Variants in ELAVL3 observed in about 807,000 individuals in gnomAD.
The protein encoded by ELAVL3 is ELAV like RNA binding protein 3.
In ELAVL3, 8 loss-of-function variants were observed where a neutral mutation model predicts 34.2. The ratio of observed to expected loss-of-function variants is 0.23; its 90% confidence interval spans 0.14 to 0.42. The LOEUF (loss-of-function observed/expected upper bound fraction) is 0.42, where lower values mean the gene tolerates loss of function less well. Ranked by LOEUF, ELAVL3 falls within the 10% of genes least tolerant of loss-of-function variation. ELAVL3 has a pLI of 1.00. For missense variants in ELAVL3, 273 were observed against 518.8 expected (o/e 0.53, Z 4.60); for synonymous variants, 209 against 222.1 (o/e 0.94, Z 0.53).
intron 3 of ELAVL3, among the ~76,000 whole-genome samples, chr19:11,464,073 G>GCCTCTCTCTCCCTCCCTCTCTCTC (rs1970948218): frequency 6.8e-6 from 1 of 146,428 alleles, no homozygotes; most frequent in South Asian, 2.1e-4. Flanking sequence ...CTTGACAGCA[G>GCCTCTCTCTCCCTCCCTCTCTCTC]CCTCTCTCTC....
At chr19:11,465,039 C>CCA (rs1297681334) in intron 3 of ELAVL3, among the ~76,000 whole-genome samples, 1 of 130,450 alleles carries the variant, frequency 7.7e-6, no homozygotes, top group Non-Finnish European at 1.6e-5. Flanking sequence ...CACACACACA[C>CCA]CACACACATA....
intron 1 of ELAVL3, among the ~76,000 whole-genome samples, chr19:11,475,266 T>C (rs1971241791): frequency 1.3e-5 from 2 of 152,210 alleles, no homozygotes; most frequent in African/African-American, 2.4e-5. Context: ...ATTTTACAGG[T>C]GACAAAAGTG....
chr19:11,471,296 T>C (rs943042349), intron 1 of ELAVL3, among the ~76,000 whole-genome samples: 3 of 123,344 alleles, frequency 2.4e-5, no homozygotes, highest in Non-Finnish European at 3.4e-5. Flanking sequence ...AGCAACAGAG[T>C]GAGACTCCAT....
At position 11,466,366 on chromosome 19, in the gene ELAVL3, C is replaced by A; in HGVS notation, c.230-91G>T. On this transcript the variant is annotated intron_variant, in intron 2 of 6. Coordinates refer to ENST00000359227, the MANE Select transcript of ELAVL3 (RefSeq NM_001420.4). The surrounding 1 kb of genome is among the most constrained non-coding windows in gnomAD (Gnocchi z 5.0). ...GGCCTGAGAGACTGTCCCCTCCCCA[C>A]CAAGTTTCCACCTTCCTGTTTCCAG... The A allele has an allele frequency of 7.8e-7, 1 of 1,275,960 alleles. No homozygotes were observed. Among genetic ancestry groups the A allele is most frequent in the Non-Finnish European group, 1.1e-6 (1 of 883,282 alleles). The allele number at this position is 1,275,960 out of a possible 1,614,324, so 79.0% of individuals were successfully genotyped here. A position where few individuals can be genotyped will look rare whatever the true frequency, so the allele number is the denominator to read the frequency against.
chr19:11,466,528 A>G lies in ELAVL3; in HGVS notation c.229+80T>C, dbSNP rs1037790697. The G allele has an allele frequency of 1.3e-6, 2 of 1,509,732 alleles. No individual in the cohort carries two copies. The highest frequency in any genetic ancestry group is 2.3e-5 in the South Asian group (2 of 86,130). The allele number at this position is 1,509,732 out of a possible 1,614,324, so 93.5% of individuals were successfully genotyped here. ...TCGATTACCCCCGAGACACCTCAGC[A>G]AGGGTCCCACCTGCCCCCATCACCT... is the stretch of plus-strand genomic sequence containing the variant. On this transcript the variant is annotated intron_variant, in intron 2 of 6. Coordinates refer to ENST00000359227, the MANE Select transcript of ELAVL3 (RefSeq NM_001420.4). The surrounding 1 kb of genome is among the most constrained non-coding windows in gnomAD (Gnocchi z 5.0).
Position 11,458,202 on chromosome 19 carries a change from G to A in ELAVL3, c.572C>T (p.Pro191Leu), listed in dbSNP as rs148057857. Residue 191 changes from proline to leucine, a missense_variant, in exon 5 of 7, where the codon CCG (proline) becomes CTG (leucine). By Grantham distance (98) the Pro-to-Leu change is moderately conservative. Around this residue, in one of 4 missense-constraint regions of ELAVL3, gnomAD observed 102 missense variants for 250.1 expected, o/e 0.41. Coordinates refer to ENST00000359227, the MANE Select transcript of ELAVL3 (RefSeq NM_001420.4). The surrounding 1 kb of genome is among the most constrained non-coding windows in gnomAD (Gnocchi z 7.3). ...TGTGATGGGCTCAGCTGCGCCCAGC[G>A]GCTTCTGCCCATTCAGTCCTTTGAT... ...EAIKGLNGQKPLGAAEPITVK... is the reference protein window; with the variant it reads ...EAIKGLNGQKLLGAAEPITVK... 14 of 1,613,968 alleles carry A rather than the reference G, an allele frequency of 8.7e-6. No individual in the cohort carries two copies. Among genetic ancestry groups the A allele is most frequent in the Non-Finnish European group, 1.1e-5 (13 of 1,180,040 alleles).
At chr19:11,479,521 G>A (rs917617232) in intron 1 of ELAVL3, among the ~76,000 whole-genome samples, 5 of 151,946 alleles carry the variant, frequency 3.3e-5, no homozygotes, top group African/African-American at 4.8e-5. Context: ...CGCGGGGAGC[G>A]GAGTCGCGCG....
intron 3 of ELAVL3, among the ~76,000 whole-genome samples, chr19:11,463,756 G>T (rs1970940151): frequency 6.6e-6 from 1 of 151,966 alleles, no homozygotes; most frequent in South Asian, 2.1e-4. Context: ...TGGATCACGA[G>T]GTCAGGAGTT....
At chr19:11,472,245 C>A (rs1236269807) in intron 1 of ELAVL3, among the ~76,000 whole-genome samples, 1 of 152,208 alleles carries the variant, frequency 6.6e-6, no homozygotes, top group African/African-American at 2.4e-5. Flanking sequence ...ACTCAGGAAG[C>A]TGAGGCAGGA....
rs1203419839 is a variant in ELAVL3, at chr19:11,454,388, G to A, written c.*138C>T. ...CCAGAGTGCTCACCCTGTGGCTTCC[G>A]CAGGGACGTGGGGCCCTCGCGTCGT... is the stretch of plus-strand genomic sequence containing the variant. On this transcript the variant is annotated 3_prime_UTR_variant, in exon 7 of 7. Transcript: ENST00000359227. This position sits in a 1 kb window ranked among gnomAD's most constrained non-coding sequence, Gnocchi z 9.2. The A allele has an allele frequency of 9.4e-6, 8 of 854,378 alleles. No individual in the cohort carries two copies. Among genetic ancestry groups the A allele is most frequent in the Admixed American group, 2.9e-5 (1 of 34,748 alleles). 52.9% of individuals were successfully genotyped at this position (854,378 alleles called of 1,614,324 possible). A position where few individuals can be genotyped will look rare whatever the true frequency, so the allele number is the denominator to read the frequency against.
intron 3 of ELAVL3, among the ~76,000 whole-genome samples, chr19:11,463,980 C>G (rs932135958): frequency 4.1e-5 from 6 of 147,946 alleles, no homozygotes; most frequent in African/African-American, 1.5e-4. Context: ...AAAAAAACCC[C>G]AAAAAATCAA....
chr19:11,476,258 A>G (rs1971261111), intron 1 of ELAVL3, among the ~76,000 whole-genome samples: 2 of 152,124 alleles, frequency 1.3e-5, no homozygotes, highest in African/African-American at 2.4e-5. Flanking sequence ...CATTTAATAC[A>G]CGAGGAAAGA....
At chr19:11,467,983 T>G (rs1040068955) in intron 1 of ELAVL3, among the ~76,000 whole-genome samples, 6 of 152,060 alleles carry the variant, frequency 3.9e-5, no homozygotes, top group African/African-American at 1.4e-4. Flanking sequence ...AGAGATGGGG[T>G]CTCACTATGT....
Position 11,466,208 on chromosome 19 carries a change from G to T in ELAVL3, c.297C>A (p.Thr99=). ...TCGTCTGTAATTTGAGGCCGTTGAG[G>T]GTGTTGATGGCTTTGTCTGCATCAT... ...DPNDADKAIN[T]LNGLKLQTKT... is the part of the protein sequence containing the mutation. Residue 99 remains threonine, a synonymous_variant, in exon 3 of 7, where the codon ACC becomes ACA. Transcript: ENST00000359227. This position sits in a 1 kb window ranked among gnomAD's most constrained non-coding sequence, Gnocchi z 5.0. The T allele has an allele frequency of 6.2e-7, 1 of 1,613,780 alleles. No individual in the cohort carries two copies. The highest frequency in any genetic ancestry group is 8.5e-7 in the Non-Finnish European group (1 of 1,179,864).
chr19:11,466,818 C>G lies in ELAVL3; in HGVS notation c.19G>C (p.Gly7Arg). The G allele has an allele frequency of 6.2e-7, 1 of 1,604,650 alleles. No homozygotes were observed. The highest frequency in any genetic ancestry group is 2.2e-5 in the East Asian group (1 of 44,488). ...CCCCCCACCTGAGACTCCATGGCCCCCAGTATCTGCTGGAGATAACAGGTC... is the reference window on the plus strand; with the variant it reads ...CCCCCCACCTGAGACTCCATGGCCCGCAGTATCTGCTGGAGATAACAGGTC... MVTQIL[G>R]AMESQVGGGP... The change falls in exon 2 of 7, where the codon GGG becomes CGG. Residue 7 changes from glycine (G) to arginine (R), a missense_variant. Transcript: ENST00000359227. The surrounding 1 kb of genome is among the most constrained non-coding windows in gnomAD (Gnocchi z 5.0).
chr19:11,479,606 G>C (rs1052612823), intron 1 of ELAVL3, among the ~76,000 whole-genome samples: 68 of 151,674 alleles, frequency 4.5e-4, no homozygotes, highest in Admixed American at 2.6e-4. Context: ...GGGCTGCCGA[G>C]TGGGAATCCG....
Position 11,454,654 on chromosome 19 carries a change from C to G in ELAVL3, c.976G>C (p.Gly326Arg). The G allele has an allele frequency of 6.2e-7, 1 of 1,614,232 alleles. No homozygotes were observed. The highest frequency in any genetic ancestry group is 8.5e-7 in the Non-Finnish European group (1 of 1,180,026). Residue 326 changes from glycine (G) to arginine (R), a missense_variant, in exon 7 of 7, where the codon GGT becomes CGT. Transcript: ENST00000359227. The surrounding 1 kb of genome is among the most constrained non-coding windows in gnomAD (Gnocchi z 9.2). Reference protein sequence around the residue: ...IRDFTTNKCKGFGFVTMTNYD... With the variant: ...IRDFTTNKCKRFGFVTMTNYD... The stretch of plus-strand genomic sequence containing the variant: ...TTGGTCATGGTCACGAAGCCGAAAC[C>G]CTTGCACTTGTTGGTGGTGAAATCA...
chr19:11,464,817 CCA>C (rs1568382552), intron 3 of ELAVL3, among the ~76,000 whole-genome samples: 2 of 89,292 alleles, frequency 2.2e-5, no homozygotes, highest in Non-Finnish European at 4.5e-5. Flanking sequence ...CACACATGCA[CCA>C]CACACACCAC....
intron 1 of ELAVL3, among the ~76,000 whole-genome samples, chr19:11,469,342 G>T (rs573890308): frequency 6.6e-6 from 1 of 152,140 alleles, no homozygotes; most frequent in Non-Finnish European, 1.5e-5. Context: ...GTGCAATGGC[G>T]CGATCTTGGC....
Sources: allele counts gnomAD v4.1 joint callset (sites outside exome capture counted in the v4.1 genomes callset), GRCh38; gene constraint gnomAD v4.1.1; regional missense constraint gnomAD v4.1.1; non-coding constraint Gnocchi (gnomAD v3.1); transcripts MANE v1.5; gene names NCBI Gene and HGNC (gene_info 2026-07-23, HGNC 2026-07-21).